Variants in PANK1 observed in about 807,000 individuals in gnomAD.
PANK1 encodes pantothenate kinase 1.
In PANK1, 18 loss-of-function variants were observed where a neutral mutation model predicts 40.1. The observed-to-expected ratio is 0.45, with a 90% confidence interval of 0.31 to 0.67. The LOEUF (loss-of-function observed/expected upper bound fraction) is 0.67. Ranked by LOEUF, PANK1 falls within the 30% of genes least tolerant of loss-of-function variation. The probability of loss-of-function intolerance (pLI) is 0.06; values close to 1 mark genes in which losing one functional copy is unlikely to be tolerated. For synonymous variants in PANK1, 242 were observed against 237.7 expected, an observed-to-expected ratio of 1.02 and a Z score of -0.17; for missense variants, 457 against 599.6, an observed-to-expected ratio of 0.76 and a Z score of 2.48.
chr10:89,617,773 C>T (rs1845362982), intron 1 of PANK1, among the ~76,000 whole-genome samples: 1 of 152,130 alleles, frequency 6.6e-6, no homozygotes, highest in African/African-American at 2.4e-5. Context: ...TAAGCAAATA[C>T]AAGTATGCCT....
At chr10:89,636,577 G>A (rs932492697) in intron 1 of PANK1, among the ~76,000 whole-genome samples, 4 of 151,894 alleles carry the variant, frequency 2.6e-5, no homozygotes, top group Non-Finnish European at 5.9e-5. Context: ...TCAGCCTCCC[G>A]AGTAGCTGGG....
At position 89,617,068 on chromosome 10, in the gene PANK1, G is replaced by A. The variant is rs964656367; in HGVS notation, c.293-5020C>T. On this transcript the variant is annotated intron_variant, in intron 1 of 6. Transcript: ENST00000307534. Reference sequence around the variant, plus strand: ...CCCTCCAGAGCTTTCCCTCTGCTATGGTGATGGGAAGCATTCCAGGTAACC... The same window carrying A: ...CCCTCCAGAGCTTTCCCTCTGCTATAGTGATGGGAAGCATTCCAGGTAACC... 2.7e-4 allele frequency among the ~76,000 whole-genome samples: 41 copies of A among 152,232 alleles called. 1 individual carries two copies.
chr10:89,633,437 C>T (rs557147674), intron 1 of PANK1, among the ~76,000 whole-genome samples: 5 of 152,260 alleles, frequency 3.3e-5, no homozygotes, highest in Middle Eastern at 3.4e-3. Context: ...AGGATAAGAC[C>T]TTCCATAAAA....
chr10:89,608,067 C>T (rs576857373), intron 2 of PANK1, among the ~76,000 whole-genome samples: 57 of 146,678 alleles, frequency 3.9e-4, no homozygotes, highest in Admixed American at 1.7e-3. Flanking sequence ...AGTCTGGCCT[C>T]GTCGCCCCGG....
At chr10:89,643,670 T>C (rs776110316) in intron 1 of PANK1, 1 of 1,536,160 alleles carries the variant, frequency 6.5e-7, no homozygotes, top group Admixed American at 1.7e-5. Context: ...GCAAATGCAG[T>C]CATTTATTAG....
intron 1 of PANK1, among the ~76,000 whole-genome samples, chr10:89,630,093 A>G (rs1841589627): frequency 6.6e-6 from 1 of 152,214 alleles, no homozygotes; most frequent in Admixed American, 6.5e-5. Flanking sequence ...CCAAGAAAAT[A>G]TGTCTAAGCC....
rs538725917 is a variant in PANK1 at position 89,584,636 on chromosome 10, T to C, written c.1327-171A>G. The stretch of plus-strand genomic sequence containing the variant: ...CTATAATTTATTGGACACCTACTTA[T>C]ATATATTAAATACATTCACATATGT... On this transcript the variant is annotated intron_variant, in intron 6 of 6. Transcript: ENST00000307534. Among the ~76,000 whole-genome samples the C allele has an allele frequency of 2.6e-5, 4 of 152,356 alleles. No homozygotes were observed. The East Asian group carries it at 7.7e-4, about 29-fold the overall frequency.
chr10:89,614,862 A>G (rs1010375680), intron 1 of PANK1, among the ~76,000 whole-genome samples: 6 of 152,180 alleles, frequency 3.9e-5, no homozygotes, highest in African/African-American at 1.4e-4. Context: ...TCTGTTAATA[A>G]GAAAAGCAAG....
intron 2 of PANK1, among the ~76,000 whole-genome samples, chr10:89,604,839 C>T (rs1844899422): frequency 6.6e-6 from 1 of 151,978 alleles, no homozygotes; most frequent in Non-Finnish European, 1.5e-5. Context: ...CAAGCTCCGT[C>T]TCCCAGGTTC....
At chr10:89,625,384 G>T (rs1350467278) in intron 1 of PANK1, among the ~76,000 whole-genome samples, 1 of 152,180 alleles carries the variant, frequency 6.6e-6, no homozygotes, top group Non-Finnish European at 1.5e-5. Flanking sequence ...TATAACATGA[G>T]TGTAATAGGT....
chr10:89,605,689 T>C (rs1299137166), intron 2 of PANK1, among the ~76,000 whole-genome samples: 1 of 152,192 alleles, frequency 6.6e-6, no homozygotes, highest in African/African-American at 2.4e-5. Flanking sequence ...TCCAAACTCC[T>C]CCTAAAGCTA....
chr10:89,617,907 A>C (rs966518555), intron 1 of PANK1, among the ~76,000 whole-genome samples: 2 of 152,240 alleles, frequency 1.3e-5, no homozygotes, highest in African/African-American at 4.8e-5. Flanking sequence ...CACCTAAAAC[A>C]GCTGGGAAAA....
At chr10:89,589,313 CAT>C (rs1325366450) in intron 5 of PANK1, among the ~76,000 whole-genome samples, 4 of 152,186 alleles carry the variant, frequency 2.6e-5, no homozygotes, top group African/African-American at 7.2e-5. Flanking sequence ...TTGGCCAACA[CAT>C]GAGTTAAAAT....
At chr10:89,604,013 G>T (rs1343656500) in intron 2 of PANK1, among the ~76,000 whole-genome samples, 1 of 152,114 alleles carries the variant, frequency 6.6e-6, no homozygotes, top group Non-Finnish European at 1.5e-5. Context: ...CGCTCCTGAT[G>T]CTTTTCCATC....
At chr10:89,622,235 T>C (rs1391568583) in intron 1 of PANK1, among the ~76,000 whole-genome samples, 2 of 152,238 alleles carry the variant, frequency 1.3e-5, no homozygotes, top group African/African-American at 4.8e-5. Flanking sequence ...AAGAAACCCA[T>C]AATTATCACA....
rs568468046 is a variant in PANK1, at chr10:89,614,180, A to T, written c.293-2132T>A. ...AGTGCTGCAGTTGCCATCCATTCTC[A>T]TCAGAGAGGCGAAGATGCCTACACT... On this transcript the variant is annotated intron_variant, in intron 1 of 6. Transcript: ENST00000307534. Among the ~76,000 whole-genome samples the T allele has an allele frequency of 1.7e-4, 26 of 152,314 alleles. No homozygotes were observed. In the East Asian group the frequency reaches 3.7e-3, roughly 21 times the overall value.
chr10:89,586,474 C>T (rs1398258545), intron 6 of PANK1, among the ~76,000 whole-genome samples: 3 of 152,078 alleles, frequency 2.0e-5, no homozygotes, highest in Non-Finnish European at 2.9e-5. Context: ...AAAACAAGAG[C>T]TTTCTTTAGT....
intron 6 of PANK1, among the ~76,000 whole-genome samples, chr10:89,587,990 C>T (rs1049087384): frequency 6.6e-6 from 1 of 152,050 alleles, no homozygotes; most frequent in Non-Finnish European, 1.5e-5. Context: ...TTCCTCTACC[C>T]GCCAGCCTCT....
rs190424490 is a variant in PANK1, at chr10:89,643,312, T to C, written c.292+1288A>G. Among the ~76,000 whole-genome samples the C allele has an allele frequency of 6.6e-4, 101 of 152,356 alleles. 2 individuals carry two copies. In the East Asian group the frequency reaches 0.019, roughly 28 times the overall value. On this transcript the variant is annotated intron_variant, in intron 1 of 6. Coordinates refer to ENST00000307534, the MANE Select transcript of PANK1 (RefSeq NM_148977.3). Reference sequence around the variant, plus strand: ...AATATTAATACTAATGAAAGTCATTTTCTAACAAGTATCAAAAACAAAAGC... The same window carrying C: ...AATATTAATACTAATGAAAGTCATTCTCTAACAAGTATCAAAAACAAAAGC...
Sources: gnomAD v4.1 joint callset for allele counts (sites outside exome capture counted in the v4.1 genomes callset) on GRCh38, gnomAD v4.1.1 for gene constraint, MANE v1.5 for transcripts, NCBI Gene and HGNC (gene_info 2026-07-23, HGNC 2026-07-21) for gene names.